SYN3: variants seen among roughly 807,000 people sequenced by gnomAD.
SYN3 encodes synapsin-3.
A neutral mutation model predicts 65.8 loss-of-function variants in SYN3; 35 were observed. That is an observed-to-expected ratio of 0.53 (90% CI 0.41 to 0.70). The LOEUF (loss-of-function observed/expected upper bound fraction) is 0.70, where lower values mean the gene tolerates loss of function less well. Ranked by LOEUF, SYN3 falls within the 30% of genes least tolerant of loss-of-function variation. The pLI is 0.00. For missense variants in SYN3, 680 were observed against 749.0 expected (o/e 0.91, Z 1.08); for synonymous variants, 270 against 292.9 (o/e 0.92, Z 0.80).
At chr22:33,045,865 C>T (rs1236512874) in intron 1 of SYN3, among the ~76,000 whole-genome samples, 4 of 152,062 alleles carry the variant, frequency 2.6e-5, no homozygotes, top group Non-Finnish European at 5.9e-5. Flanking sequence ...ATAGCTCCCA[C>T]CTTTCCCCCA....
At chr22:32,643,370 G>A (rs1043169527) in intron 6 of SYN3, among the ~76,000 whole-genome samples, 4 of 152,232 alleles carry the variant, frequency 2.6e-5, no homozygotes, top group Admixed American at 6.5e-5. Flanking sequence ...GAGCCACTGC[G>A]CCCCACCAAG....
chr22:33,038,344 G>A (rs753305787), intron 1 of SYN3, among the ~76,000 whole-genome samples: 9 of 152,204 alleles, frequency 5.9e-5, no homozygotes, highest in East Asian at 3.9e-4. Flanking sequence ...CAGCCAGGAT[G>A]GGGATTACTG....
rs376313506 is a variant in SYN3, at chr22:33,006,643, C to T, written c.20G>A (p.Arg7His). The change falls in exon 2 of 14, where the codon CGT (arginine) becomes CAT (histidine). Residue 7 changes from arginine (R) to histidine (H), a missense_variant. Transcript: ENST00000358763. The part of the protein sequence containing the change: MNFLRR[R>H]LSDSSFMANL... ...GGCCATGAAGCTGCTGTCAGAGAGA[C>T]GTCGCCGGAGGAAATTCATGGCTGT... The T allele has an allele frequency of 2.0e-5, 32 of 1,584,006 alleles. No individual in the cohort carries two copies. Among genetic ancestry groups the T allele is most frequent in the South Asian group, 1.2e-4 (10 of 85,496 alleles).
At chr22:32,910,505 T>C (rs2050023571) in intron 4 of SYN3, among the ~76,000 whole-genome samples, 1 of 152,190 alleles carries the variant, frequency 6.6e-6, no homozygotes, top group Admixed American at 6.5e-5. Flanking sequence ...TATTATTTAT[T>C]GAGTACGTTC....
rs538156434 is a variant in SYN3, at chr22:32,902,479, T to C, written c.461+28911A>G. ...TGAAGATAGAGGAAGCCATTTGAAA[T>C]ACCTTCTCCATTCAATCTCTGCAAT... On this transcript the variant is annotated intron_variant, in intron 4 of 13. Transcript: ENST00000358763. Among the ~76,000 whole-genome samples the C allele has an allele frequency of 2.6e-5, 4 of 152,318 alleles. No individual in the cohort carries two copies. In the South Asian group the frequency reaches 8.3e-4, roughly 32 times the overall value.
intron 6 of SYN3, among the ~76,000 whole-genome samples, chr22:32,776,213 G>A (rs967243163): frequency 6.6e-6 from 1 of 152,180 alleles, no homozygotes; most frequent in African/African-American, 2.4e-5. Context: ...GCACAACCCT[G>A]GCGACACCCT....
chr22:32,999,942 T>C (rs891244308), intron 2 of SYN3, among the ~76,000 whole-genome samples: 8 of 152,154 alleles, frequency 5.3e-5, no homozygotes, highest in African/African-American at 1.7e-4. Context: ...GAACTCAAGA[T>C]GGGAGGTTTC....
At chr22:32,789,325 T>G (rs1037880595) in intron 6 of SYN3, among the ~76,000 whole-genome samples, 1 of 152,228 alleles carries the variant, frequency 6.6e-6, no homozygotes, top group Non-Finnish European at 1.5e-5. Context: ...CAAGGTCTTT[T>G]TTCTCTAAAT....
chr22:32,660,528 A>C (rs2146999855), intron 6 of SYN3, among the ~76,000 whole-genome samples: 1 of 152,280 alleles, frequency 6.6e-6, no homozygotes, highest in South Asian at 2.1e-4. Context: ...GGGCCCATTC[A>C]TACTGATCTT....
At chr22:32,783,059 G>T (rs2046110118) in intron 6 of SYN3, 1 of 152,190 alleles carries the variant, frequency 6.6e-6, no homozygotes, top group Non-Finnish European at 1.5e-5. Context: ...GGGAAGCCAG[G>T]TACTTAATCT....
At chr22:32,715,957 G>A (rs188059162) in intron 6 of SYN3, among the ~76,000 whole-genome samples, 94 of 152,296 alleles carry the variant, frequency 6.2e-4, no homozygotes, top group African/African-American at 2.1e-3. Flanking sequence ...AATGAGCCCA[G>A]AAAGAGCTAG....
intron 6 of SYN3, among the ~76,000 whole-genome samples, chr22:32,608,725 G>A (rs1487764953): frequency 4.6e-5 from 7 of 152,192 alleles, no homozygotes; most frequent in African/African-American, 1.7e-4. Flanking sequence ...TCCTTGGCAA[G>A]TTTCTTAGCC....
intron 6 of SYN3, among the ~76,000 whole-genome samples, chr22:32,698,148 C>G (rs77840486): frequency 0.022 from 3,368 of 152,240 alleles, 57 homozygotes; most frequent in South Asian, 0.055. Context: ...CAATAGATAA[C>G]TGATACACCC....
intron 6 of SYN3, among the ~76,000 whole-genome samples, chr22:32,864,239 C>T (rs960385715): frequency 3.3e-5 from 5 of 152,316 alleles, no homozygotes; most frequent in South Asian, 2.1e-4. Flanking sequence ...GACCAGTTTA[C>T]GAAGACCATC....
chr22:32,876,015 C>T (rs1289910907), intron 4 of SYN3, among the ~76,000 whole-genome samples: 3 of 152,206 alleles, frequency 2.0e-5, no homozygotes, highest in East Asian at 3.8e-4. Context: ...CCCCATTCCC[C>T]ACTTCCTAAA....
rs759241903 is a variant in SYN3, at chr22:32,518,429, C to T, written c.1319-95G>A. ...AATGTTGCTTCAAGGATGTTCATTA[C>T]AGTGTTTCTTATAATGGTGAAAAAC... On this transcript the variant is annotated intron_variant, in intron 12 of 13. Transcript: ENST00000358763. 2.7e-6 allele frequency: 4 copies of T among 1,456,254 alleles called. No homozygotes were observed. The Admixed American group carries it at 7.3e-5, about 27-fold the overall frequency. The allele number at this position is 1,456,254 out of a possible 1,614,324, so 90.2% of individuals were successfully genotyped here. A position where few individuals can be genotyped will look rare whatever the true frequency, so the allele number is the denominator to read the frequency against.
At chr22:32,798,618 C>T (rs1250856996) in intron 6 of SYN3, among the ~76,000 whole-genome samples, 4 of 151,940 alleles carry the variant, frequency 2.6e-5, no homozygotes, top group Non-Finnish European at 4.4e-5. Flanking sequence ...CTCAGTTCTT[C>T]CCAGATGTAT....
chr22:32,816,815 T>C (rs2047097934), intron 6 of SYN3, among the ~76,000 whole-genome samples: 1 of 152,174 alleles, frequency 6.6e-6, no homozygotes, highest in Admixed American at 6.5e-5. Context: ...CAGCACCTCT[T>C]GTAAGTCATC....
chr22:32,944,312 T>C (rs1451148950), intron 3 of SYN3, among the ~76,000 whole-genome samples: 1 of 152,142 alleles, frequency 6.6e-6, no homozygotes, highest in Non-Finnish European at 1.5e-5. Flanking sequence ...ACCGCTCAAC[T>C]ACATGGAAAC....
Sources: gnomAD v4.1 joint callset for allele counts (sites outside exome capture counted in the v4.1 genomes callset) on GRCh38, gnomAD v4.1.1 for gene constraint, MANE v1.5 for transcripts, NCBI Gene and HGNC (gene_info 2026-07-23, HGNC 2026-07-21) for gene names.